FGD5: variants seen among roughly 807,000 people sequenced by gnomAD.
FGD5 encodes the protein FYVE, RhoGEF and PH domain-containing protein 5.
FGD5 carries 28 observed loss-of-function variants against 133.4 expected under a neutral mutation model. The observed-to-expected ratio is 0.21, with a 90% CI of 0.16 to 0.29. FGD5 has a LOEUF of 0.29. Among genes scored for constraint, FGD5 ranks in the 10% least tolerant of loss-of-function variants. The pLI is 1.00. For synonymous variants in FGD5, 810 were observed against 776.5 expected (o/e 1.04, Z -0.72); for missense variants, 1,858 against 1,895.2 (o/e 0.98, Z 0.36).
chr3:14,828,805 A>G (rs1450415152), intron 1 of FGD5, among the ~76,000 whole-genome samples: 1 of 147,874 alleles, frequency 6.8e-6, no homozygotes, highest in African/African-American at 2.5e-5. Flanking sequence ...TCTGTAGGAC[A>G]TTTGAGGTGG....
In FGD5 at chr3:14,900,514, G is replaced by A. The variant is rs1195670421; in HGVS notation, c.3205+61G>A. ...GCCTGCTCTGCCTCCTTGCGCCAAAGCCTGGACCCTGCCCCAATTCCAAGG... is the reference window on the plus strand; with the variant it reads ...GCCTGCTCTGCCTCCTTGCGCCAAAACCTGGACCCTGCCCCAATTCCAAGG... On this transcript the variant is annotated intron_variant, in intron 8 of 19. Coordinates refer to ENST00000285046, the MANE Select transcript of FGD5 (RefSeq NM_152536.4). 29 of 1,585,518 alleles carry A rather than the reference G, an allele frequency of 1.8e-5. No individual in the cohort carries two copies. The East Asian group carries it at 6.6e-4, about 36-fold the overall frequency.
intron 1 of FGD5, among the ~76,000 whole-genome samples, chr3:14,833,007 C>G (rs1311023039): frequency 1.3e-5 from 2 of 152,196 alleles, no homozygotes; most frequent in Non-Finnish European, 2.9e-5. Flanking sequence ...TTATAATACT[C>G]AGGGTCAGCA....
intron 1 of FGD5, among the ~76,000 whole-genome samples, chr3:14,842,945 A>G (rs1033650498): frequency 3.9e-5 from 6 of 152,100 alleles, no homozygotes; most frequent in African/African-American, 1.2e-4. Flanking sequence ...GATTGCTGCA[A>G]TGAGACCTCT....
At chr3:14,925,282 A>T (rs1302096557) in intron 17 of FGD5, among the ~76,000 whole-genome samples, 2 of 152,070 alleles carry the variant, frequency 1.3e-5, no homozygotes, top group African/African-American at 4.8e-5. Flanking sequence ...CATAATACAG[A>T]TGTACATTCA....
chr3:14,892,866 G>A (rs1304379035), intron 4 of FGD5, among the ~76,000 whole-genome samples: 1 of 152,142 alleles, frequency 6.6e-6, no homozygotes, highest in Non-Finnish European at 1.5e-5. Context: ...TCTAGTAGCG[G>A]GGTGAAATGT....
At chr3:14,855,300 T>C (rs2037256553) in intron 1 of FGD5, among the ~76,000 whole-genome samples, 2 of 152,216 alleles carry the variant, frequency 1.3e-5, no homozygotes. Flanking sequence ...CTACTGTGAA[T>C]AGTGCTGCAG....
chr3:14,847,696 G>T (rs1389833883), intron 1 of FGD5, among the ~76,000 whole-genome samples: 4 of 152,224 alleles, frequency 2.6e-5, no homozygotes, highest in Non-Finnish European at 2.9e-5. Flanking sequence ...CTGATAAGTG[G>T]CAAAGAACCA....
At position 14,922,145 on chromosome 3, in the gene FGD5, A is replaced by G; in HGVS notation, c.3669+128A>G. 1.8e-6 allele frequency: 2 copies of G among 1,099,332 alleles called. No individual in the cohort carries two copies. The highest frequency in any genetic ancestry group is 2.6e-6 in the Non-Finnish European group (2 of 758,090). The allele number at this position is 1,099,332 out of a possible 1,614,324, so 68.1% of individuals were successfully genotyped here. ...CTGTCTTGGGGCACTGGCTCCCCCCACACCCCTGCCATGCTCCCACCCTAG... is the reference window on the plus strand; with the variant it reads ...CTGTCTTGGGGCACTGGCTCCCCCCGCACCCCTGCCATGCTCCCACCCTAG... On this transcript the variant is annotated intron_variant, in intron 14 of 19. Transcript: ENST00000285046. The surrounding 1 kb of genome is among the most constrained non-coding windows in gnomAD (Gnocchi z 4.1).
At chr3:14,850,684 T>C (rs1178925703) in intron 1 of FGD5, among the ~76,000 whole-genome samples, 1 of 151,704 alleles carries the variant, frequency 6.6e-6, no homozygotes, top group East Asian at 1.9e-4. Context: ...TATAGGAACG[T>C]AAATTAACTG....
At chr3:14,928,569 A>C (rs1331735789) in intron 18 of FGD5, among the ~76,000 whole-genome samples, 1 of 151,928 alleles carries the variant, frequency 6.6e-6, no homozygotes, top group Non-Finnish European at 1.5e-5. Flanking sequence ...ACATGGCAAA[A>C]CCTCGTCTCT....
At chr3:14,885,219 G>A (rs1050043760) in intron 4 of FGD5, among the ~76,000 whole-genome samples, 2 of 151,764 alleles carry the variant, frequency 1.3e-5, no homozygotes, top group African/African-American at 2.4e-5. Context: ...AAGGGGTCAG[G>A]GGGCACCTTG....
At chr3:14,890,597 T>TG (rs2038008608) in intron 4 of FGD5, among the ~76,000 whole-genome samples, 1 of 152,190 alleles carries the variant, frequency 6.6e-6, no homozygotes, top group Non-Finnish European at 1.5e-5. Context: ...ATGGTGAGGC[T>TG]GGCACTCAGC....
intron 2 of FGD5, among the ~76,000 whole-genome samples, chr3:14,866,882 C>T (rs993560373): frequency 6.6e-6 from 1 of 151,382 alleles, no homozygotes; most frequent in Non-Finnish European, 1.5e-5. Context: ...CAGAGCAAGG[C>T]CAGGGTCAGA....
intron 1 of FGD5, among the ~76,000 whole-genome samples, chr3:14,838,823 TG>T (rs550406390): frequency 1.4e-3 from 218 of 152,336 alleles, no homozygotes; most frequent in Non-Finnish European, 2.5e-3. Context: ...ATGACATTGC[TG>T]GGGCCTCACA....
intron 1 of FGD5, among the ~76,000 whole-genome samples, chr3:14,839,174 TG>T (rs1295413285): frequency 1.3e-5 from 2 of 152,254 alleles, no homozygotes; most frequent in Non-Finnish European, 2.9e-5. Context: ...CACAGGCTTC[TG>T]GGGACATTTG....
chr3:14,891,505 C>T (rs1302180849), intron 4 of FGD5, among the ~76,000 whole-genome samples: 2 of 152,232 alleles, frequency 1.3e-5, no homozygotes, highest in African/African-American at 4.8e-5. Context: ...CAAGACTCAG[C>T]CCCTTGAGGG....
At position 14,922,054 on chromosome 3, in the gene FGD5, C is replaced by T. The variant is rs1242616842; in HGVS notation, c.3669+37C>T. The stretch of plus-strand genomic sequence containing the variant: ...GGCAGGGCCCACGGGCCACCAGCTT[C>T]AGAGACCTGGGGTTCCCTGGGCGGG... On this transcript the variant is annotated intron_variant, in intron 14 of 19. Coordinates refer to ENST00000285046, the MANE Select transcript of FGD5 (RefSeq NM_152536.4). This position sits in a 1 kb window ranked among gnomAD's most constrained non-coding sequence, Gnocchi z 4.1. 1.5e-5 allele frequency: 23 copies of T among 1,546,022 alleles called. No homozygotes were observed. The highest frequency in any genetic ancestry group is 2.0e-5 in the Non-Finnish European group (23 of 1,142,462).
intron 1 of FGD5, among the ~76,000 whole-genome samples, chr3:14,825,057 T>C (rs1295442846): frequency 1.3e-5 from 2 of 152,180 alleles, no homozygotes; most frequent in Non-Finnish European, 2.9e-5. Context: ...CTGCTAAAAG[T>C]ATCTCCCTTC....
chr3:14,918,879 G>C (rs1575258233), intron 13 of FGD5, 46 bp downstream of exon 13: 1 of 1,596,996 alleles, frequency 6.3e-7, no homozygotes. Flanking sequence ...AGAGGTGTGA[G>C]CATGGGAAGG....
Sources: allele counts gnomAD v4.1 joint callset (sites outside exome capture counted in the v4.1 genomes callset), GRCh38; gene constraint gnomAD v4.1.1; non-coding constraint Gnocchi (gnomAD v3.1); transcripts MANE v1.5; gene names NCBI Gene and HGNC (gene_info 2026-07-23, HGNC 2026-07-21).